The following CADM1 variants were observed in gnomAD, a reference collection of about 807,000 sequenced individuals.
CADM1 encodes cell adhesion molecule 1, also known as TSLC-1.
Under a neutral mutation model 53.1 loss-of-function variants are expected in CADM1, and 15 were observed. The ratio of observed to expected loss-of-function variants is 0.28; its 90% CI spans 0.19 to 0.44. CADM1 has a LOEUF of 0.44. CADM1 is among the 20% of genes least tolerant of loss of function. The pLI is 1.00. For missense variants in CADM1, 434 were observed against 611.3 expected, an observed-to-expected ratio of 0.71 and a Z score of 3.06; for synonymous variants, 281 against 243.0, an observed-to-expected ratio of 1.16 and a Z score of -1.45.
intron 1 of CADM1, chr11:115,396,884 G>A (rs979803540): frequency 1.3e-5 from 2 of 151,802 alleles, no homozygotes; most frequent in Non-Finnish European, 2.9e-5. Flanking sequence ...CAGTGTGAAA[G>A]TCTCTCTGTA....
At chr11:115,178,529 CAGAT>C in intron 11 of CADM1, 111 bp downstream of exon 11, 2 of 630,738 alleles carry the variant, frequency 3.2e-6, no homozygotes, top group Non-Finnish European at 2.9e-6. Context: ...TTTCAGGAAT[CAGAT>C]AGGCCGTGTG....
intron 1 of CADM1, among the ~76,000 whole-genome samples, chr11:115,470,762 T>C (rs555842962): frequency 2.6e-5 from 4 of 152,356 alleles, no homozygotes; most frequent in Admixed American, 2.6e-4. Flanking sequence ...GAGCACCTAA[T>C]GTAGGACAGG....
chr11:115,227,715 C>T (rs538318410), intron 5 of CADM1, among the ~76,000 whole-genome samples: 20 of 152,194 alleles, frequency 1.3e-4, no homozygotes, highest in Non-Finnish European at 2.4e-4. Flanking sequence ...AATGAATTAA[C>T]GAGGAAACCC....
chr11:115,203,344 G>A (rs139523216), intron 8 of CADM1, among the ~76,000 whole-genome samples: 1 of 152,226 alleles, frequency 6.6e-6, no homozygotes, highest in Non-Finnish European at 1.5e-5. Context: ...GTGGAAGGGG[G>A]TACAGAAAAG....
At chr11:115,373,823 G>C (rs1410407140) in intron 1 of CADM1, among the ~76,000 whole-genome samples, 2 of 152,094 alleles carry the variant, frequency 1.3e-5, no homozygotes, top group East Asian at 3.9e-4. Flanking sequence ...CTGTGCGTAT[G>C]ATGTATCCCA....
intron 1 of CADM1, among the ~76,000 whole-genome samples, chr11:115,375,357 G>A (rs1946412452): frequency 6.6e-6 from 1 of 152,174 alleles, no homozygotes; most frequent in Non-Finnish European, 1.5e-5. Context: ...AGGAAGCGCA[G>A]TAATTTTGAG....
intron 1 of CADM1, among the ~76,000 whole-genome samples, chr11:115,372,742 T>C (rs1345679852): frequency 6.6e-6 from 1 of 152,206 alleles, no homozygotes; most frequent in Non-Finnish European, 1.5e-5. Flanking sequence ...TATAGATCTA[T>C]AGTCTACTCT....
chr11:115,301,984 T>G (rs753064952), intron 1 of CADM1, among the ~76,000 whole-genome samples: 1 of 151,910 alleles, frequency 6.6e-6, no homozygotes, highest in Non-Finnish European at 1.5e-5. Flanking sequence ...GAAAATGAAA[T>G]GAAAATATAT....
chr11:115,478,036 C>T (rs772163801), intron 1 of CADM1, among the ~76,000 whole-genome samples: 2 of 152,172 alleles, frequency 1.3e-5, no homozygotes, highest in Non-Finnish European at 2.9e-5. Flanking sequence ...TAATGCATTC[C>T]TGATCATTAA....
At chr11:115,343,167 C>T (rs1047147849) in intron 1 of CADM1, among the ~76,000 whole-genome samples, 3 of 152,078 alleles carry the variant, frequency 2.0e-5, no homozygotes, top group Admixed American at 1.3e-4. Context: ...CTATAAGGTA[C>T]AGACTGTTAT....
intron 1 of CADM1, among the ~76,000 whole-genome samples, chr11:115,381,767 T>C (rs987369624): frequency 2.6e-5 from 4 of 152,244 alleles, no homozygotes; most frequent in African/African-American, 9.6e-5. Flanking sequence ...TGCAAGGCTA[T>C]GCTAGGGCAC....
intron 1 of CADM1, among the ~76,000 whole-genome samples, chr11:115,340,658 A>ATATATATATTTT (rs60532835): frequency 2.6e-4 from 9 of 34,936 alleles, no homozygotes; most frequent in East Asian, 1.1e-3. Context: ...ATATATATAT[A>ATATATATATTTT]TTTTTTTTTT....
chr11:115,351,929 C>G (rs1358999649), intron 1 of CADM1, among the ~76,000 whole-genome samples: 1 of 152,166 alleles, frequency 6.6e-6, no homozygotes, highest in African/African-American at 2.4e-5. Context: ...GAAGCTTCCT[C>G]AGTTAATGAC....
Position 115,231,390 on chromosome 11 carries a change from C to G in CADM1, c.525G>C (p.Thr175=). 1 of 1,614,176 alleles carries G rather than the reference C, an allele frequency of 6.2e-7. No individual in the cohort carries two copies. The highest frequency in any genetic ancestry group is 8.5e-7 in the Non-Finnish European group (1 of 1,180,012). The change falls in exon 4 of 12, where the codon ACG becomes ACC. Residue 175 remains threonine (T), a synonymous_variant. Coordinates refer to ENST00000331581, the MANE Select transcript of CADM1 (RefSeq NM_001301043.2). ...TGTTCCCTTTGAACCACCTGATAGTCGTGGCTGGCTTGCTGGCCATAGCAG... is the reference window on the plus strand; with the variant it reads ...TGTTCCCTTTGAACCACCTGATAGTGGTGGCTGGCTTGCTGGCCATAGCAG... The part of the protein sequence containing the change: ...NCTAMASKPA[T]TIRWFKGNTE...
At chr11:115,367,208 T>A (rs1001397465) in intron 1 of CADM1, among the ~76,000 whole-genome samples, 1 of 152,224 alleles carries the variant, frequency 6.6e-6, no homozygotes, top group African/African-American at 2.4e-5. Context: ...CTGGGCCTCA[T>A]AGCAAGGCCC....
intron 1 of CADM1, among the ~76,000 whole-genome samples, chr11:115,495,494 A>T (rs896441155): frequency 1.3e-5 from 2 of 152,240 alleles, no homozygotes; most frequent in African/African-American, 4.8e-5. Context: ...GCTCCCAGAT[A>T]AAGGCTTTGA....
intron 1 of CADM1, among the ~76,000 whole-genome samples, chr11:115,329,816 C>T (rs1440550127): frequency 2.0e-5 from 3 of 151,556 alleles, no homozygotes; most frequent in Admixed American, 6.6e-5. Context: ...GATAGGGAGC[C>T]GGAAAGGAGA....
intron 1 of CADM1, among the ~76,000 whole-genome samples, chr11:115,242,360 C>T (rs1026322956): frequency 6.4e-5 from 9 of 139,582 alleles, no homozygotes; most frequent in African/African-American, 2.1e-4. Flanking sequence ...AAAAAATGAA[C>T]AGATGCTTAT....
chr11:115,463,801 C>T (rs1948841959), intron 1 of CADM1, among the ~76,000 whole-genome samples: 1 of 145,482 alleles, frequency 6.9e-6, no homozygotes, highest in Non-Finnish European at 1.5e-5. Flanking sequence ...TAAAATGTCA[C>T]ATCCATTTTG....
Sources: allele counts gnomAD v4.1 joint callset (sites outside exome capture counted in the v4.1 genomes callset), GRCh38; gene constraint gnomAD v4.1.1; transcripts MANE v1.5; gene names NCBI Gene and HGNC (gene_info 2026-07-23, HGNC 2026-07-21).